AK5: variants seen among roughly 807,000 people sequenced by gnomAD.
AK5 encodes the protein adenylate kinase isoenzyme 5.
AK5 carries 27 observed loss-of-function variants against 69.5 expected under a neutral mutation model. The observed-to-expected ratio is 0.39, with a 90% CI of 0.29 to 0.54. The LOEUF is 0.54. Among genes scored for constraint, AK5 ranks in the 20% least tolerant of loss-of-function variants. The pLI is 0.71. For synonymous variants in AK5, 260 were observed against 244.4 expected (o/e 1.06, Z -0.60); for missense variants, 531 against 700.4 (o/e 0.76, Z 2.73).
At chr1:77,351,011 C>T (rs1466250101) in intron 6 of AK5, among the ~76,000 whole-genome samples, 1 of 152,220 alleles carries the variant, frequency 6.6e-6, no homozygotes, top group Non-Finnish European at 1.5e-5. Context: ...CAGCCCTGCA[C>T]ATCTTGCAGC....
At chr1:77,493,152 A>C (rs2803155) in intron 10 of AK5, among the ~76,000 whole-genome samples, 91,195 of 151,926 alleles carry the variant, frequency 0.6, 27,930 homozygotes, top group Non-Finnish European at 0.67. Flanking sequence ...TATTTCCAGA[A>C]GAGATTGGCA....
intron 8 of AK5, among the ~76,000 whole-genome samples, chr1:77,457,086 C>T (rs1447858780): frequency 6.6e-6 from 1 of 152,178 alleles, no homozygotes; most frequent in Non-Finnish European, 1.5e-5. Flanking sequence ...TTCTGCCTTG[C>T]CATATTGTGG....
chr1:77,484,121 C>T (rs2647499), intron 9 of AK5, among the ~76,000 whole-genome samples: 93,435 of 149,922 alleles, frequency 0.62, 29,271 homozygotes, highest in Middle Eastern at 0.76. Context: ...GCCAAGTTTG[C>T]GTCATTGCAC....
chr1:77,368,341 A>C (rs1423641569), intron 6 of AK5, among the ~76,000 whole-genome samples: 1 of 131,536 alleles, frequency 7.6e-6, no homozygotes, highest in Non-Finnish European at 1.6e-5. Flanking sequence ...TATATATGTT[A>C]TATATATATG....
chr1:77,331,893 T>C (rs1378787991), intron 5 of AK5, among the ~76,000 whole-genome samples: 1 of 152,206 alleles, frequency 6.6e-6, no homozygotes, highest in Non-Finnish European at 1.5e-5. Context: ...ATTTAGACTT[T>C]CTGTTCATTC....
At chr1:77,527,771 A>T (rs572891448) in intron 12 of AK5, among the ~76,000 whole-genome samples, 107 of 152,326 alleles carry the variant, frequency 7.0e-4, no homozygotes, top group African/African-American at 2.5e-3. Context: ...TTTAAACCTG[A>T]CCAGATGGCC....
chr1:77,423,155 A>C (rs1650948080), intron 8 of AK5, among the ~76,000 whole-genome samples: 1 of 141,390 alleles, frequency 7.1e-6, no homozygotes, highest in South Asian at 2.3e-4. Context: ...CGGGAGGTGG[A>C]GCTTACAGTG....
intron 8 of AK5, among the ~76,000 whole-genome samples, chr1:77,455,166 T>A (rs773356713): frequency 2.6e-5 from 4 of 151,230 alleles, no homozygotes; most frequent in Non-Finnish European, 4.4e-5. Flanking sequence ...AAACATCTAG[T>A]ATATCGCTAA....
chr1:77,364,260 A>T (rs958604576), intron 6 of AK5, among the ~76,000 whole-genome samples: 32 of 152,218 alleles, frequency 2.1e-4, no homozygotes, highest in South Asian at 1.0e-3. Context: ...GACATATAAT[A>T]ATTGTACATA....
intron 8 of AK5, among the ~76,000 whole-genome samples, chr1:77,437,109 A>G (rs748376107): frequency 6.6e-5 from 10 of 152,120 alleles, no homozygotes; most frequent in Non-Finnish European, 1.0e-4. Flanking sequence ...TTTGCTGACA[A>G]TTCTTAAGAC....
At chr1:77,292,644 C>T (rs903921416) in intron 2 of AK5, among the ~76,000 whole-genome samples, 2 of 152,198 alleles carry the variant, frequency 1.3e-5, no homozygotes, top group Non-Finnish European at 2.9e-5. Context: ...GACCATCTCC[C>T]TGGTTTGGAC....
chr1:77,404,987 C>T (rs930585201), intron 6 of AK5, among the ~76,000 whole-genome samples: 1 of 152,130 alleles, frequency 6.6e-6, no homozygotes, highest in African/African-American at 2.4e-5. Context: ...ATAAGACCCC[C>T]TAGAAAGTCT....
At chr1:77,326,052 A>T (rs1204037133) in intron 5 of AK5, among the ~76,000 whole-genome samples, 1 of 152,196 alleles carries the variant, frequency 6.6e-6, no homozygotes, top group East Asian at 1.9e-4. Context: ...TGCACTAAAG[A>T]TATATTATCA....
intron 6 of AK5, among the ~76,000 whole-genome samples, chr1:77,349,210 T>G (rs1265773921): frequency 6.6e-6 from 1 of 152,160 alleles, no homozygotes; most frequent in African/African-American, 2.4e-5. Context: ...CTGTTCTCAC[T>G]TATAAGTGGG....
At chr1:77,298,486 G>C (rs1027797020) in intron 5 of AK5, among the ~76,000 whole-genome samples, 1 of 151,696 alleles carries the variant, frequency 6.6e-6, no homozygotes, top group Non-Finnish European at 1.5e-5. Flanking sequence ...GCTTTGAAAA[G>C]CTTATGTTAA....
At chr1:77,483,799 C>T (rs539462220) in intron 9 of AK5, among the ~76,000 whole-genome samples, 1 of 152,176 alleles carries the variant, frequency 6.6e-6, no homozygotes, top group East Asian at 1.9e-4. Flanking sequence ...AGTTACTATT[C>T]CACGTGTACC....
At chr1:77,287,705 G>A (rs756122790) in intron 2 of AK5, among the ~76,000 whole-genome samples, 14 of 152,202 alleles carry the variant, frequency 9.2e-5, no homozygotes, top group Non-Finnish European at 2.1e-4. Context: ...AGAAGCCAGC[G>A]CAGCCACGTG....
intron 5 of AK5, among the ~76,000 whole-genome samples, chr1:77,335,352 A>G (rs1049706951): frequency 1.3e-5 from 2 of 151,054 alleles, no homozygotes; most frequent in African/African-American, 4.9e-5. Flanking sequence ...GTTTACTTCC[A>G]TGTAGACAAA....
At chr1:77,379,311 A>G (rs879837210) in intron 6 of AK5, among the ~76,000 whole-genome samples, 2 of 152,206 alleles carry the variant, frequency 1.3e-5, no homozygotes, top group African/African-American at 2.4e-5. Context: ...CACAGAGCAC[A>G]TTAATCATCA....
Sources: allele counts gnomAD v4.1 joint callset (sites outside exome capture counted in the v4.1 genomes callset), GRCh38; gene constraint gnomAD v4.1.1; transcripts MANE v1.5; gene names NCBI Gene and HGNC (gene_info 2026-07-23, HGNC 2026-07-21).